RSU1: variants seen among roughly 807,000 people sequenced by gnomAD.
RSU1 encodes Ras suppressor protein 1, also known as rsu-1.
In RSU1, 26 loss-of-function variants were observed where a neutral mutation model predicts 31.1. The observed-to-expected ratio is 0.84, with a 90% CI of 0.61 to 1.16. RSU1 has a LOEUF of 1.16. Ranked by LOEUF, RSU1 falls within the 50% of genes most tolerant of loss-of-function variation. The pLI is 0.00. For missense variants in RSU1, 320 were observed against 339.1 expected (o/e 0.94, Z 0.44); for synonymous variants, 164 against 136.3 (o/e 1.20, Z -1.41).
At chr10:16,800,937 C>T (rs188471220) in intron 2 of RSU1, among the ~76,000 whole-genome samples, 348 of 139,892 alleles carry the variant, frequency 2.5e-3, no homozygotes, top group Non-Finnish European at 3.7e-3. Flanking sequence ...ATTAAAGCCA[C>T]GGAAAGCAGA....
At chr10:16,738,872 C>T (rs962785797) in intron 7 of RSU1, among the ~76,000 whole-genome samples, 2 of 151,746 alleles carry the variant, frequency 1.3e-5, no homozygotes, top group South Asian at 2.1e-4. Flanking sequence ...CCCCCACCCC[C>T]CCAGCGGACC....
intron 3 of RSU1, among the ~76,000 whole-genome samples, chr10:16,781,029 G>A (rs11254180): frequency 0.24 from 36,514 of 152,096 alleles, 4,780 homozygotes; most frequent in African/African-American, 0.34. Context: ...ATCGCTTCAA[G>A]CTGTATATAA....
At chr10:16,629,210 C>T (rs1834207669) in intron 8 of RSU1, among the ~76,000 whole-genome samples, 2 of 152,100 alleles carry the variant, frequency 1.3e-5, no homozygotes, top group Non-Finnish European at 1.5e-5. Context: ...TGGGGTGGGG[C>T]CTCAGACTCT....
chr10:16,627,656 C>G (rs924307981), intron 8 of RSU1, among the ~76,000 whole-genome samples: 1 of 150,886 alleles, frequency 6.6e-6, no homozygotes, highest in South Asian at 2.1e-4. Flanking sequence ...ACTCAGGAGG[C>G]TGAGGCAGGA....
chr10:16,761,627 C>T (rs778408257), intron 4 of RSU1, among the ~76,000 whole-genome samples: 3 of 152,044 alleles, frequency 2.0e-5, no homozygotes, highest in East Asian at 1.9e-4. Flanking sequence ...GAGGCCGAGG[C>T]GGGTGGATCA....
At chr10:16,797,388 T>TA (rs1838059858) in intron 2 of RSU1, among the ~76,000 whole-genome samples, 1 of 152,204 alleles carries the variant, frequency 6.6e-6, no homozygotes, top group South Asian at 2.1e-4. Context: ...GAAAACTACA[T>TA]AAAATCAACC....
chr10:16,797,283 A>T (rs1838057763), intron 2 of RSU1, among the ~76,000 whole-genome samples: 1 of 152,226 alleles, frequency 6.6e-6, no homozygotes, highest in African/African-American at 2.4e-5. Context: ...GCTTTTAAAA[A>T]GAGAGAGAAA....
intron 8 of RSU1, among the ~76,000 whole-genome samples, chr10:16,648,592 CA>C (rs914679334): frequency 1.3e-5 from 2 of 152,062 alleles, no homozygotes; most frequent in Admixed American, 6.6e-5. Context: ...GGGAGATGAA[CA>C]GATGGCTAAA....
At chr10:16,778,662 A>G (rs1320668690) in intron 3 of RSU1, among the ~76,000 whole-genome samples, 1 of 152,154 alleles carries the variant, frequency 6.6e-6, no homozygotes, top group East Asian at 1.9e-4. Context: ...GGGGGCCCCC[A>G]GGGGAGGATG....
Position 16,737,570 on chromosome 10 carries a change from C to G in RSU1, c.598+14969G>C, listed in dbSNP as rs1212921372. 2.6e-5 allele frequency among the ~76,000 whole-genome samples: 4 copies of G among 151,394 alleles called. No homozygotes were observed. In the East Asian group the frequency reaches 7.7e-4, roughly 29 times the overall value. ...AGATAAACAAAAGCTAATTAATGAC[C>G]AAAAAGAACTGTACTACAATAAATA... On this transcript the variant is annotated intron_variant, in intron 7 of 8. Coordinates refer to ENST00000345264, the MANE Select transcript of RSU1 (RefSeq NM_012425.4).
chr10:16,653,780 T>A (rs1297779394), intron 8 of RSU1, among the ~76,000 whole-genome samples: 1 of 152,104 alleles, frequency 6.6e-6, no homozygotes, highest in Non-Finnish European at 1.5e-5. Context: ...ACCTGTGCAT[T>A]AATAAGTGGC....
chr10:16,813,867 T>C (rs1285183452), intron 2 of RSU1, among the ~76,000 whole-genome samples: 1 of 152,206 alleles, frequency 6.6e-6, no homozygotes, highest in Non-Finnish European at 1.5e-5. Flanking sequence ...TCAAAACATC[T>C]TTTAAAGGTA....
chr10:16,800,587 C>T lies in RSU1; in HGVS notation c.109+16386G>A, dbSNP rs1480022081. ...AAAAGTAAGACAAAATATCTAAGAACAATGGGATAATTACAAAAGGCGTAA... is the reference window on the plus strand; with the variant it reads ...AAAAGTAAGACAAAATATCTAAGAATAATGGGATAATTACAAAAGGCGTAA... On this transcript the variant is annotated intron_variant, in intron 2 of 8. Coordinates refer to ENST00000345264, the MANE Select transcript of RSU1 (RefSeq NM_012425.4). Among the ~76,000 whole-genome samples, 6 of 152,086 alleles carry T rather than the reference C, an allele frequency of 3.9e-5. No individual in the cohort carries two copies. In the South Asian group the frequency reaches 6.2e-4, roughly 16 times the overall value.
At chr10:16,653,215 T>G (rs1834718002) in intron 8 of RSU1, among the ~76,000 whole-genome samples, 1 of 152,214 alleles carries the variant, frequency 6.6e-6, no homozygotes, top group Admixed American at 6.5e-5. Context: ...TACCTACTTT[T>G]AATAAACAAG....
chr10:16,636,697 C>G (rs1277422111), intron 8 of RSU1, among the ~76,000 whole-genome samples: 2 of 152,216 alleles, frequency 1.3e-5, no homozygotes, highest in Non-Finnish European at 2.9e-5. Context: ...TGTCTCCTAG[C>G]TCTCTCCTGT....
At chr10:16,669,780 T>C (rs1452951136) in intron 8 of RSU1, among the ~76,000 whole-genome samples, 4 of 152,216 alleles carry the variant, frequency 2.6e-5, no homozygotes, top group Non-Finnish European at 5.9e-5. Context: ...TATGGTTGCG[T>C]AGTATTCCAT....
intron 8 of RSU1, among the ~76,000 whole-genome samples, chr10:16,595,527 T>C (rs532711248): frequency 8.5e-5 from 13 of 152,308 alleles, no homozygotes; most frequent in African/African-American, 2.9e-4. Context: ...GGGGAGGCCA[T>C]TCTTTTGCAT....
At position 16,795,945 on chromosome 10, in the gene RSU1, G is replaced by A. The variant is rs139182106; in HGVS notation, c.110-13861C>T. On this transcript the variant is annotated intron_variant, in intron 2 of 8. Transcript: ENST00000345264. ...GCTTGAGCAGCAGCTCTCTGCGTCC[G>A]CCTCAACCTTCCCCCATACTTCTCA... Among the ~76,000 whole-genome samples the A allele has an allele frequency of 3.4e-4, 52 of 152,142 alleles. 1 individual carries two copies. In the East Asian group the frequency reaches 8.9e-3, roughly 26 times the overall value.
intron 8 of RSU1, among the ~76,000 whole-genome samples, chr10:16,675,121 G>A (rs898732501): frequency 1.1e-4 from 16 of 147,362 alleles, no homozygotes; most frequent in East Asian, 1.0e-3. Context: ...CATGAGAATC[G>A]CTTGAATCCA....
Sources: allele counts gnomAD v4.1 joint callset (sites outside exome capture counted in the v4.1 genomes callset), GRCh38; gene constraint gnomAD v4.1.1; transcripts MANE v1.5; gene names NCBI Gene and HGNC (gene_info 2026-07-23, HGNC 2026-07-21).